PCDH11X: variants seen among roughly 807,000 people sequenced by gnomAD.
PCDH11X encodes the protein protocadherin-11 X-linked.
PCDH11X carries 18 observed loss-of-function variants against 53.3 expected under a neutral mutation model. The ratio of observed to expected loss-of-function variants is 0.34; its 90% confidence interval spans 0.23 to 0.50. PCDH11X has a LOEUF of 0.50. Among genes scored for constraint, PCDH11X ranks in the 20% least tolerant of loss-of-function variants. PCDH11X has a pLI of 0.98. For synonymous variants in PCDH11X, 279 were observed against 393.3 expected, an observed-to-expected ratio of 0.71 and a Z score of 3.44; for missense variants, 570 against 1,032.4, an observed-to-expected ratio of 0.55 and a Z score of 6.14.
At chrX:92,534,277 T>C (rs1316415446) in intron 10 of PCDH11X, among the ~76,000 whole-genome samples, 25 of 111,003 alleles carry the variant, frequency 2.3e-4, no homozygotes, top group Non-Finnish European at 3.6e-4. Flanking sequence ...CAGTAGCCAA[T>C]TCGATCAAGT....
chrX:91,894,417 A>G (rs1441951678), intron 6 of PCDH11X, among the ~76,000 whole-genome samples: 3 of 111,762 alleles, frequency 2.7e-5, no homozygotes, highest in East Asian at 2.8e-4. Flanking sequence ...ACAGTACATT[A>G]CCATATTTCT....
chrX:92,326,622 C>CTATATATATATATATATATATATATATA (rs1160866218), intron 8 of PCDH11X, among the ~76,000 whole-genome samples: 3 of 45,797 alleles, frequency 6.6e-5, no homozygotes, highest in Non-Finnish European at 9.8e-5. Context: ...TTTTAATAAA[C>CTATATATATATATATATATATATATATA]TATATATATA....
chrX:91,786,708 T>C (rs1935347031), intron 1 of PCDH11X, among the ~76,000 whole-genome samples: 1 of 93,252 alleles, frequency 1.1e-5, no homozygotes, highest in Non-Finnish European at 2.1e-5. Context: ...ATTTTGTCAA[T>C]GGGGAGACTG....
At chrX:92,430,058 G>A (rs1340851674) in intron 9 of PCDH11X, among the ~76,000 whole-genome samples, 1 of 105,902 alleles carries the variant, frequency 9.4e-6, no homozygotes, top group Non-Finnish European at 2.0e-5. Flanking sequence ...TTATTGTATT[G>A]CAAGCTTCTT....
chrX:92,321,203 T>A (rs1186952678), intron 8 of PCDH11X, among the ~76,000 whole-genome samples: 1 of 99,956 alleles, frequency 1.0e-5, no homozygotes. Flanking sequence ...TGTTTTTTTT[T>A]TTTTTTTGAG....
intron 6 of PCDH11X, among the ~76,000 whole-genome samples, chrX:92,142,328 G>A (rs1204383969): frequency 9.4e-6 from 1 of 106,196 alleles, no homozygotes; most frequent in Non-Finnish European, 1.9e-5. Flanking sequence ...AGCTAATTTT[G>A]TATTTTTAGT....
chrX:92,114,727 C>T (rs766877581), intron 6 of PCDH11X, among the ~76,000 whole-genome samples: 1 of 111,785 alleles, frequency 8.9e-6, no homozygotes, highest in East Asian at 2.8e-4. Flanking sequence ...GGTTTCCTTG[C>T]TCCCTGCCTT....
At chrX:92,596,435 T>C (rs1453749327) in intron 10 of PCDH11X, among the ~76,000 whole-genome samples, 1 of 106,532 alleles carries the variant, frequency 9.4e-6, no homozygotes, top group Non-Finnish European at 1.9e-5. Flanking sequence ...TGAGGAACTA[T>C]ATGCCAAAAA....
At chrX:91,997,012 A>G (rs1377313142) in intron 6 of PCDH11X, among the ~76,000 whole-genome samples, 1 of 91,341 alleles carries the variant, frequency 1.1e-5, no homozygotes, top group African/African-American at 4.0e-5. Context: ...TGTCTACTTA[A>G]TTACTTTTTT....
chrX:92,506,485 A>C (rs1386529840), intron 10 of PCDH11X, among the ~76,000 whole-genome samples: 2 of 103,609 alleles, frequency 1.9e-5, no homozygotes, highest in Admixed American at 2.1e-4. Flanking sequence ...TTCTGCATCT[A>C]TTCAGATGAT....
chrX:91,920,476 G>A (rs1392155308), intron 6 of PCDH11X, among the ~76,000 whole-genome samples: 4 of 109,469 alleles, frequency 3.7e-5, no homozygotes, highest in Non-Finnish European at 7.6e-5. Context: ...TGCTCAGTCA[G>A]TATATTGCTT....
At chrX:91,958,742 C>T (rs1236965916) in intron 6 of PCDH11X, among the ~76,000 whole-genome samples, 1 of 110,998 alleles carries the variant, frequency 9.0e-6, no homozygotes, top group Non-Finnish European at 1.9e-5. Context: ...TTGTTCCTCT[C>T]CGTGAATACC....
At chrX:92,341,698 A>G (rs1293295264) in intron 8 of PCDH11X, among the ~76,000 whole-genome samples, 2 of 111,194 alleles carry the variant, frequency 1.8e-5, no homozygotes, top group Non-Finnish European at 3.8e-5. Flanking sequence ...GTACTAAACC[A>G]TTCGTGAGTC....
chrX:92,231,215 T>G (rs1230966845), intron 7 of PCDH11X, among the ~76,000 whole-genome samples: 1 of 111,455 alleles, frequency 9.0e-6, no homozygotes, highest in East Asian at 2.8e-4. Context: ...GAATATTTTT[T>G]TGGTTTGTTT....
chrX:91,974,822 G>A (rs1172057993), intron 6 of PCDH11X, among the ~76,000 whole-genome samples: 14 of 108,631 alleles, frequency 1.3e-4, no homozygotes, highest in South Asian at 4.0e-4. Flanking sequence ...GCCCGATCTC[G>A]GCTCACTGCA....
At chrX:91,951,139 G>T (rs765568894) in intron 6 of PCDH11X, among the ~76,000 whole-genome samples, 2 of 111,039 alleles carry the variant, frequency 1.8e-5, no homozygotes, top group Non-Finnish European at 3.8e-5. Flanking sequence ...CTCTCAGGAC[G>T]CTGTGTTAAA....
intron 6 of PCDH11X, among the ~76,000 whole-genome samples, chrX:92,056,602 T>C (rs1266204638): frequency 9.0e-6 from 1 of 110,560 alleles, no homozygotes; most frequent in East Asian, 2.8e-4. Context: ...ATGCAATCTT[T>C]GCCCATGTCT....
chrX:92,275,370 G>A (rs972768605), intron 8 of PCDH11X, among the ~76,000 whole-genome samples: 6 of 107,937 alleles, frequency 5.6e-5, no homozygotes, highest in Non-Finnish European at 1.2e-4. Context: ...ATTATGCCGA[G>A]ATAGGTAACA....
intron 5 of PCDH11X, among the ~76,000 whole-genome samples, chrX:91,851,426 T>C (rs1938002506): frequency 8.9e-6 from 1 of 112,050 alleles, no homozygotes; most frequent in Admixed American, 9.5e-5. Flanking sequence ...ATGTCTTCTA[T>C]GGATACGTAC....
Sources: allele counts gnomAD v4.1 joint callset (sites outside exome capture counted in the v4.1 genomes callset), GRCh38; gene constraint gnomAD v4.1.1; transcripts MANE v1.5; gene names NCBI Gene and HGNC (gene_info 2026-07-23, HGNC 2026-07-21).